SLFN5: variants seen among roughly 807,000 people sequenced by gnomAD.
The protein encoded by SLFN5 is schlafen family member 5.
SLFN5 carries 34 observed loss-of-function variants against 48.5 expected under a neutral mutation model. That is an observed-to-expected ratio of 0.70 (90% CI 0.53 to 0.93). The LOEUF (loss-of-function observed/expected upper bound fraction) is 0.93. Among genes scored for constraint, SLFN5 ranks in the 40% least tolerant of loss-of-function variants. SLFN5 has a pLI of 0.00. For missense variants in SLFN5, 1,006 were observed against 1,071.3 expected (o/e 0.94, Z 0.85); for synonymous variants, 387 against 396.2 (o/e 0.98, Z 0.28).
At chr17:35,253,759 A>G (rs887689871) in intron 1 of SLFN5, among the ~76,000 whole-genome samples, 2 of 131,028 alleles carry the variant, frequency 1.5e-5, no homozygotes, top group Non-Finnish European at 3.1e-5. Context: ...GTGCAGTGGC[A>G]TGATCTCAGC....
At position 35,264,156 on chromosome 17, in the gene SLFN5, AT is replaced by A. The variant is rs745427563; in HGVS notation, c.1139-24del. ...TACTAGCTTGTCTGAGGCTTTTCTA[AT>A]TTCTTCCCATCCTTTCCCTGTCTAG... On this transcript the variant is annotated intron_variant, in intron 3 of 4. Transcript: ENST00000299977. The A allele has an allele frequency of 1.9e-6, 3 of 1,539,870 alleles. No homozygotes were observed. The East Asian group carries it at 6.7e-5, about 35-fold the overall frequency.
intron 3 of SLFN5, among the ~76,000 whole-genome samples, chr17:35,262,439 G>A (rs1463134311): frequency 1.3e-5 from 2 of 151,576 alleles, no homozygotes; most frequent in Non-Finnish European, 2.9e-5. Context: ...ATAATTACTT[G>A]TAACTTTAGA....
At position 35,266,186 on chromosome 17, in the gene SLFN5, GCA is replaced by G. The variant is rs1433308398; in HGVS notation, c.*300_*301del. 5.4e-4 allele frequency: 137 copies of G among 253,708 alleles called. No individual in the cohort carries two copies. Among genetic ancestry groups the G allele is most frequent in the South Asian group, 9.6e-4 (10 of 10,390 alleles). 15.7% of individuals were successfully genotyped at this position (253,708 alleles called of 1,614,324 possible). A position where few individuals can be genotyped will look rare whatever the true frequency, so the allele number is the denominator to read the frequency against. On this transcript the variant is annotated 3_prime_UTR_variant, in exon 5 of 5. Coordinates refer to ENST00000299977, the MANE Select transcript of SLFN5 (RefSeq NM_144975.4). ...TGTGTGTGTGTGTGTGTGCGCGCGC[GCA>G]CGTGCACATGTGTGTAGGTAGATGG...
rs1489337525 is a variant in SLFN5 at position 35,270,333 on chromosome 17, A to G, written c.*4445A>G. 2 of 152,212 alleles carry G rather than the reference A, an allele frequency of 1.3e-5. No homozygotes were observed. Among genetic ancestry groups the G allele is most frequent in the African/African-American group, 4.8e-5 (2 of 41,460 alleles). The allele number at this position is 152,212 out of a possible 1,614,324, so 9.4% of individuals were successfully genotyped here. A position where few individuals can be genotyped will look rare whatever the true frequency, so the allele number is the denominator to read the frequency against. ...AGGTCACATGCTGAAATCGCCCTCT[A>G]CTAAAACAAACTCATAGAAATAATG... is the stretch of plus-strand genomic sequence containing the variant. On this transcript the variant is annotated 3_prime_UTR_variant, in exon 5 of 5. Coordinates refer to ENST00000299977, the MANE Select transcript of SLFN5 (RefSeq NM_144975.4).
intron 2 of SLFN5, 46 bp from the exon 3 acceptor site, chr17:35,260,925 G>A: frequency 6.2e-7 from 1 of 1,606,746 alleles, no homozygotes; most frequent in South Asian, 1.1e-5. Context: ...CTATAAGTTG[G>A]GGTCTGCCTT....
At chr17:35,246,284 A>G (rs1203478184) in intron 1 of SLFN5, among the ~76,000 whole-genome samples, 1 of 151,894 alleles carries the variant, frequency 6.6e-6, no homozygotes, top group Non-Finnish European at 1.5e-5. Context: ...AGAGGTTTAT[A>G]TTTTCTTTTT....
chr17:35,258,841 C>T lies in SLFN5; in HGVS notation c.151C>T (p.Leu51=). 1 of 1,614,178 alleles carries T rather than the reference C, an allele frequency of 6.2e-7. No individual in the cohort carries two copies. The highest frequency in any genetic ancestry group is 8.5e-7 in the Non-Finnish European group (1 of 1,180,040). Residue 51 remains leucine, a synonymous_variant, in exon 2 of 5, where the codon CTG becomes TTG. Coordinates refer to ENST00000299977, the MANE Select transcript of SLFN5 (RefSeq NM_144975.4). ...EIILRAVCAL[L]NSGGGIIKAE... Reference sequence around the variant, plus strand: ...CATCCTGCGAGCAGTATGTGCTCTGCTGAATTCTGGTGGGGGCATAATCAA... The same window carrying T: ...CATCCTGCGAGCAGTATGTGCTCTGTTGAATTCTGGTGGGGGCATAATCAA...
At chr17:35,244,097 A>T (rs2092425256) in intron 1 of SLFN5, among the ~76,000 whole-genome samples, 1 of 151,956 alleles carries the variant, frequency 6.6e-6, no homozygotes, top group Non-Finnish European at 1.5e-5. Flanking sequence ...CTTCTGCAAA[A>T]TTTTTTTCTT....
chr17:35,254,112 T>C (rs2092449481), intron 1 of SLFN5, among the ~76,000 whole-genome samples: 1 of 152,246 alleles, frequency 6.6e-6, no homozygotes, highest in African/African-American at 2.4e-5. Context: ...ACTAGGACTT[T>C]ATTTACAACG....
In SLFN5 at chr17:35,265,167, A is replaced by C; in HGVS notation, c.1955A>C (p.Gln652Pro). ...CAGCACATTATCATTGATGACGCTCAGAATTTCCGTACTGAAGATGGGGAC... is the reference window on the plus strand; with the variant it reads ...CAGCACATTATCATTGATGACGCTCCGAATTTCCGTACTGAAGATGGGGAC... The part of the protein sequence containing the change: ...HIQHIIIDDA[Q>P]NFRTEDGDWY... Residue 652 changes from glutamine (Q) to proline (P), a missense_variant, in exon 5 of 5, where the codon CAG becomes CCG. Physicochemically the swap from Gln to Pro is moderately conservative, Grantham distance 76. Coordinates refer to ENST00000299977, the MANE Select transcript of SLFN5 (RefSeq NM_144975.4). The C allele has an allele frequency of 6.2e-7, 1 of 1,614,244 alleles. No homozygotes were observed. The highest frequency in any genetic ancestry group is 8.5e-7 in the Non-Finnish European group (1 of 1,180,040).
At chr17:35,258,506 A>C in intron 1 of SLFN5, 145 bp from the exon 2 acceptor site, 1 of 616,736 alleles carries the variant, frequency 1.6e-6, no homozygotes, top group Non-Finnish European at 2.7e-6. Flanking sequence ...GCTACAATTC[A>C]AGATGAGATT....
In SLFN5 at chr17:35,270,228, G is replaced by A. The variant is rs1388960090; in HGVS notation, c.*4340G>A. The A allele has an allele frequency of 6.6e-6, 1 of 152,094 alleles. No individual in the cohort carries two copies. The highest frequency in any genetic ancestry group is 2.1e-4 in the South Asian group (1 of 4,824). The allele number at this position is 152,094 out of a possible 1,614,324, so 9.4% of individuals were successfully genotyped here. A position where few individuals can be genotyped will look rare whatever the true frequency, so the allele number is the denominator to read the frequency against. Reference sequence around the variant, plus strand: ...ATATTTCTAGTTGATGAGTTTATGAGTGATTTATTGCTTCCTTTTCTCTTT... The same window carrying A: ...ATATTTCTAGTTGATGAGTTTATGAATGATTTATTGCTTCCTTTTCTCTTT... On this transcript the variant is annotated 3_prime_UTR_variant, in exon 5 of 5. Coordinates refer to ENST00000299977, the MANE Select transcript of SLFN5 (RefSeq NM_144975.4).
intron 1 of SLFN5, among the ~76,000 whole-genome samples, chr17:35,251,404 T>G (rs931420887): frequency 2.0e-5 from 3 of 152,066 alleles, no homozygotes; most frequent in Admixed American, 1.3e-4. Context: ...GGTTTTTTTT[T>G]GTTTGTTTTT....
chr17:35,253,026 CT>C (rs2092445965), intron 1 of SLFN5, among the ~76,000 whole-genome samples: 1 of 151,982 alleles, frequency 6.6e-6, no homozygotes, highest in African/African-American at 2.4e-5. Flanking sequence ...GACTGGGTGG[CT>C]TTTAAACAAC....
chr17:35,266,113 C>T lies in SLFN5; in HGVS notation c.*225C>T, dbSNP rs1384630247. 3.9e-6 allele frequency: 2 copies of T among 515,092 alleles called. No homozygotes were observed. The highest frequency in any genetic ancestry group is 6.8e-6 in the Non-Finnish European group (2 of 292,748). 31.9% of individuals were successfully genotyped at this position (515,092 alleles called of 1,614,324 possible). A position where few individuals can be genotyped will look rare whatever the true frequency, so the allele number is the denominator to read the frequency against. The stretch of plus-strand genomic sequence containing the variant: ...AATTTCCCATGGTAAAAAGGGATAT[C>T]AGTAATTAGAGGACCGTGAGACTCA... On this transcript the variant is annotated 3_prime_UTR_variant, in exon 5 of 5. Coordinates refer to ENST00000299977, the MANE Select transcript of SLFN5 (RefSeq NM_144975.4).
intron 1 of SLFN5, among the ~76,000 whole-genome samples, chr17:35,255,954 C>T (rs1010729233): frequency 2.0e-5 from 3 of 152,166 alleles, no homozygotes; most frequent in East Asian, 1.9e-4. Flanking sequence ...CCCTAAATAA[C>T]ACATTATTTA....
At chr17:35,253,690 GTTTTTTT>G (rs57606643) in intron 1 of SLFN5, among the ~76,000 whole-genome samples, 89 of 76,050 alleles carry the variant, frequency 1.2e-3, no homozygotes, top group Non-Finnish European at 1.6e-3. Context: ...ATAGCTAACA[GTTTTTTT>G]TTTTTTTTTT....
Position 35,265,447 on chromosome 17 carries a change from C to T in SLFN5, c.2235C>T (p.Leu745=). Residue 745 remains leucine (L), a synonymous_variant, in exon 5 of 5, where the codon CTC becomes CTT. Transcript: ENST00000299977. ...TCCCCCCTGGGTCCCTGGTGATGCT[C>T]TATGAACCTAAATGGGCTCAAGGTG... is the stretch of plus-strand genomic sequence containing the variant. ...PNLPPGSLVM[L]YEPKWAQGVP... The T allele has an allele frequency of 2.5e-6, 4 of 1,614,216 alleles. No homozygotes were observed. Among genetic ancestry groups the T allele is most frequent in the Non-Finnish European group, 2.5e-6 (3 of 1,180,044 alleles).
intron 1 of SLFN5, among the ~76,000 whole-genome samples, chr17:35,252,357 A>G (rs568262175): frequency 8.1e-4 from 124 of 152,252 alleles, no homozygotes; most frequent in Non-Finnish European, 1.3e-4. Context: ...CTTGAGCCTA[A>G]GAGTTCAAGG....
Sources: gnomAD v4.1 joint callset for allele counts (sites outside exome capture counted in the v4.1 genomes callset) on GRCh38, gnomAD v4.1.1 for gene constraint, MANE v1.5 for transcripts, NCBI Gene and HGNC (gene_info 2026-07-23, HGNC 2026-07-21) for gene names.